Variants in TADA2A observed in about 807,000 individuals in gnomAD.
TADA2A encodes the protein transcriptional adaptor 2A, also known as transcriptional adapter 2-alpha.
A neutral mutation model predicts 67.4 loss-of-function variants in TADA2A; 38 were observed. The observed-to-expected ratio is 0.56, with a 90% CI of 0.44 to 0.74. TADA2A has a LOEUF of 0.74. Ranked by LOEUF, TADA2A falls within the 30% of genes least tolerant of loss-of-function variation. The pLI, the probability that TADA2A is intolerant of heterozygous loss-of-function variation, is 0.00. For synonymous variants in TADA2A, 192 were observed against 181.6 expected (o/e 1.06, Z -0.46); for missense variants, 454 against 547.0 (o/e 0.83, Z 1.70).
In TADA2A at chr17:37,450,158, G is replaced by T. The variant is rs571282202; in HGVS notation, c.604+5390G>T. Among the ~76,000 whole-genome samples, 4 of 152,316 alleles carry T rather than the reference G, an allele frequency of 2.6e-5. No homozygotes were observed. In the South Asian group the frequency reaches 8.3e-4, roughly 32 times the overall value. The stretch of plus-strand genomic sequence containing the variant: ...GCTGCATTCAAAGCCGTCCTGGGCT[G>T]CATGTGACTCACGAGCGACAGGTTG... On this transcript the variant is annotated intron_variant, in intron 8 of 15. Transcript: ENST00000615182.
At chr17:37,418,657 T>A (rs1456717116) in intron 2 of TADA2A, among the ~76,000 whole-genome samples, 1 of 151,772 alleles carries the variant, frequency 6.6e-6, no homozygotes, top group East Asian at 1.9e-4. Flanking sequence ...AGTGGCGTGA[T>A]CTCGGCTCAC....
intron 14 of TADA2A, among the ~76,000 whole-genome samples, chr17:37,471,367 G>T (rs537808958): frequency 8.5e-5 from 13 of 152,150 alleles, no homozygotes; most frequent in African/African-American, 3.1e-4. Flanking sequence ...AGAGACAGGG[G>T]AAAAAAGAAC....
intron 1 of TADA2A, chr17:37,407,541 A>G (rs2051627865): frequency 6.6e-6 from 1 of 152,150 alleles, no homozygotes; most frequent in Non-Finnish European, 1.5e-5. Flanking sequence ...AGCTAGCGCC[A>G]GTGTTTCCAC....
chr17:37,474,700 C>G (rs1309175696), intron 15 of TADA2A, 71 bp downstream of exon 15: 2 of 1,486,016 alleles, frequency 1.3e-6, no homozygotes, highest in Non-Finnish European at 1.8e-6. Context: ...ATTAAAAATC[C>G]ATTACAGGGT....
chr17:37,459,183 T>C (rs2053482439), intron 9 of TADA2A, among the ~76,000 whole-genome samples: 1 of 152,162 alleles, frequency 6.6e-6, no homozygotes, highest in Non-Finnish European at 1.5e-5. Context: ...ATGGGTACAC[T>C]GTTTTAAGCT....
chr17:37,415,420 A>G (rs974929777), intron 2 of TADA2A, among the ~76,000 whole-genome samples: 3 of 152,084 alleles, frequency 2.0e-5, no homozygotes, highest in Non-Finnish European at 2.9e-5. Context: ...TCTAAGTAGT[A>G]TTTTGCAATT....
intron 2 of TADA2A, among the ~76,000 whole-genome samples, chr17:37,415,922 A>G (rs190944581): frequency 9.7e-4 from 140 of 144,754 alleles, no homozygotes; most frequent in South Asian, 1.8e-3. Context: ...CTGACTAATT[A>G]TATTGTCAGG....
chr17:37,442,018 A>G (rs889228117), intron 6 of TADA2A, among the ~76,000 whole-genome samples: 1 of 152,088 alleles, frequency 6.6e-6, no homozygotes. Flanking sequence ...TCTCAAATCC[A>G]TTAGACCATT....
chr17:37,476,391 A>G lies in TADA2A; in HGVS notation c.1147-406A>G, dbSNP rs145759863. Among the ~76,000 whole-genome samples the G allele has an allele frequency of 5.0e-3, 757 of 152,280 alleles. 2 individuals carry two copies. Among genetic ancestry groups the G allele is most frequent in the Non-Finnish European group, 7.9e-3 (534 of 68,012 alleles). ...AAAACAATGTGATGCAGCCTTGAGA[A>G]TCCAAGTGTCTGTGCATTCTGCCCC... is the stretch of plus-strand genomic sequence containing the variant. On this transcript the variant is annotated intron_variant, in intron 15 of 15. Transcript: ENST00000615182.
chr17:37,449,103 C>T (rs1381128282), intron 8 of TADA2A, among the ~76,000 whole-genome samples: 1 of 152,034 alleles, frequency 6.6e-6, no homozygotes, highest in Non-Finnish European at 1.5e-5. Context: ...TCGCTGCAAG[C>T]TCCGCCTCCT....
intron 12 of TADA2A, among the ~76,000 whole-genome samples, chr17:37,469,621 G>A (rs1425766345): frequency 3.3e-5 from 5 of 152,094 alleles, no homozygotes; most frequent in African/African-American, 9.7e-5. Context: ...CAACAAGAGC[G>A]AAACTCCGTC....
In TADA2A at chr17:37,465,334, G is replaced by C. The variant is rs1043101327; in HGVS notation, c.713-97G>C. On this transcript the variant is annotated intron_variant, in intron 10 of 15. Coordinates refer to ENST00000615182, the MANE Select transcript of TADA2A (RefSeq NM_001166105.3). ...TTAGTCATATGAGGTTATGAATAATGTTCTTCCATTTTACTAATTGTAAAA... is the reference window on the plus strand; with the variant it reads ...TTAGTCATATGAGGTTATGAATAATCTTCTTCCATTTTACTAATTGTAAAA... 2.2e-5 allele frequency: 19 copies of C among 877,800 alleles called. No individual in the cohort carries two copies. In the South Asian group the frequency reaches 3.4e-4, roughly 16 times the overall value. 54.4% of individuals were successfully genotyped at this position (877,800 alleles called of 1,614,324 possible).
intron 5 of TADA2A, among the ~76,000 whole-genome samples, chr17:37,439,676 T>G (rs921497989): frequency 3.3e-5 from 5 of 152,202 alleles, no homozygotes; most frequent in African/African-American, 7.2e-5. Flanking sequence ...AATTTGATAC[T>G]AGGTTTAACT....
chr17:37,430,464 A>G lies in TADA2A; in HGVS notation c.192+3455A>G, dbSNP rs9907689. 3.3e-3 allele frequency among the ~76,000 whole-genome samples: 507 copies of G among 152,268 alleles called. 3 individuals carry two copies. Among genetic ancestry groups the G allele is most frequent in the African/African-American group, 0.011 (474 of 41,560 alleles). ...TCACAGAGCTGTATTTTTGGGAGTT[A>G]CTCATGCTGTGGTAGGTGGTGTGTT... On this transcript the variant is annotated intron_variant, in intron 4 of 15. Transcript: ENST00000615182.
At chr17:37,416,879 C>CAA (rs768031576) in intron 2 of TADA2A, among the ~76,000 whole-genome samples, 1 of 116,522 alleles carries the variant, frequency 8.6e-6, no homozygotes, top group Non-Finnish European at 1.8e-5. Flanking sequence ...GAGTCCGCCT[C>CAA]AAAAAAAAAA....
At chr17:37,465,880 T>C (rs775186386) in intron 11 of TADA2A, among the ~76,000 whole-genome samples, 6 of 152,198 alleles carry the variant, frequency 3.9e-5, no homozygotes, top group Non-Finnish European at 8.8e-5. Flanking sequence ...TTTCAACACA[T>C]GGCCAGTCTG....
intron 11 of TADA2A, 94 bp downstream of exon 11, chr17:37,465,635 A>G (rs1042789795): frequency 5.8e-6 from 9 of 1,546,416 alleles, no homozygotes; most frequent in Non-Finnish European, 7.9e-6. Flanking sequence ...TTCTATAAAT[A>G]AATAAATGGA....
chr17:37,431,578 C>CTT (rs59591200), intron 4 of TADA2A, among the ~76,000 whole-genome samples: 5 of 138,556 alleles, frequency 3.6e-5, no homozygotes, highest in Admixed American at 7.2e-5. Context: ...TTTATCTTTT[C>CTT]TTTTTTTTTT....
intron 8 of TADA2A, among the ~76,000 whole-genome samples, chr17:37,446,816 A>G (rs532991861): frequency 3.3e-5 from 5 of 152,230 alleles, no homozygotes; most frequent in African/African-American, 9.6e-5. Context: ...AAACTATAGT[A>G]ATGGTCGGTG....
Sources: allele counts gnomAD v4.1 joint callset (sites outside exome capture counted in the v4.1 genomes callset), GRCh38; gene constraint gnomAD v4.1.1; transcripts MANE v1.5; gene names NCBI Gene and HGNC (gene_info 2026-07-23, HGNC 2026-07-21).